The following DPP6 variants were observed in gnomAD, a reference collection of about 807,000 sequenced individuals.
DPP6 encodes A-type potassium channel modulatory protein DPP6.
A neutral mutation model predicts 122.6 loss-of-function variants in DPP6; 69 were observed. That is an observed-to-expected ratio of 0.56 (90% confidence interval 0.46 to 0.69). The LOEUF (loss-of-function observed/expected upper bound fraction) is 0.69, where lower values mean the gene tolerates loss of function less well. Among genes scored for constraint, DPP6 ranks in the 30% least tolerant of loss-of-function variants. DPP6 has a pLI of 0.00. For missense variants in DPP6, 928 were observed against 1,116.9 expected (o/e 0.83, Z 2.41); for synonymous variants, 418 against 433.1 (o/e 0.97, Z 0.43).
intron 1 of DPP6, among the ~76,000 whole-genome samples, chr7:154,176,938 A>G (rs1362336506): frequency 1.3e-5 from 2 of 151,970 alleles, no homozygotes; most frequent in Non-Finnish European, 2.9e-5. Flanking sequence ...GGCTCAAGCC[A>G]TCTTCCCACC....
At chr7:154,357,506 A>G (rs745799140) in intron 1 of DPP6, among the ~76,000 whole-genome samples, 8 of 152,230 alleles carry the variant, frequency 5.3e-5, no homozygotes, top group Non-Finnish European at 1.0e-4. Context: ...AATGGCAGAA[A>G]ATAAACACCT....
chr7:154,266,776 G>C (rs868566032), intron 1 of DPP6, among the ~76,000 whole-genome samples: 2 of 152,082 alleles, frequency 1.3e-5, no homozygotes, highest in South Asian at 4.1e-4. Context: ...GGACCCTGGG[G>C]GTACCCAGCA....
intron 1 of DPP6, among the ~76,000 whole-genome samples, chr7:154,335,223 T>A (rs970939149): frequency 1.4e-4 from 22 of 152,344 alleles, no homozygotes; most frequent in African/African-American, 4.8e-4. Context: ...AATGGGTAAT[T>A]GCCATATTTT....
chr7:154,126,655 T>C (rs1807908615), intron 1 of DPP6, among the ~76,000 whole-genome samples: 1 of 151,362 alleles, frequency 6.6e-6, no homozygotes, highest in Non-Finnish European at 1.5e-5. Flanking sequence ...TCTTGTCACC[T>C]TCCTTTGCTG....
the DPP6 span, among the ~76,000 whole-genome samples, chr7:153,866,478 T>C: frequency 6.6e-6 from 1 of 152,236 alleles, no homozygotes; most frequent in South Asian, 2.1e-4. Flanking sequence ...TTCATATCCT[T>C]TGCCCACTTT....
the DPP6 span, among the ~76,000 whole-genome samples, chr7:153,799,287 T>G: frequency 6.6e-6 from 1 of 152,234 alleles, no homozygotes; most frequent in Non-Finnish European, 1.5e-5. Flanking sequence ...TATCTAAATA[T>G]ATATATTTTT....
intron 8 of DPP6, among the ~76,000 whole-genome samples, chr7:154,750,891 G>T (rs1331590601): frequency 3.3e-5 from 5 of 152,220 alleles, no homozygotes; most frequent in Non-Finnish European, 7.3e-5. Context: ...GACGGCTCAG[G>T]TGAGGGCTGC....
chr7:154,246,572 A>G (rs1416756101), intron 1 of DPP6, among the ~76,000 whole-genome samples: 1 of 152,236 alleles, frequency 6.6e-6, no homozygotes, highest in Non-Finnish European at 1.5e-5. Flanking sequence ...TGATCCTAGA[A>G]TAGCTGAAAC....
At chr7:153,796,982 C>T in the DPP6 span, among the ~76,000 whole-genome samples, 9 of 152,182 alleles carry the variant, frequency 5.9e-5, no homozygotes, top group Non-Finnish European at 8.8e-5. Context: ...TTTTCTCACT[C>T]ATTCTAAGGG....
intron 9 of DPP6, 50 bp from the exon 10 acceptor site, chr7:154,772,795 C>G (rs1481527738): frequency 6.3e-7 from 1 of 1,583,896 alleles, no homozygotes; most frequent in Admixed American, 1.8e-5. Context: ...CTGAAGTTCA[C>G]TCTTGTATAA....
intron 1 of DPP6, among the ~76,000 whole-genome samples, chr7:153,909,520 A>G (rs1463463802): frequency 1.3e-5 from 2 of 152,156 alleles, no homozygotes; most frequent in Non-Finnish European, 2.9e-5. Context: ...GAATAACTCA[A>G]TACTATAATG....
intron 1 of DPP6, among the ~76,000 whole-genome samples, chr7:154,276,540 G>T (rs1421133449): frequency 6.6e-6 from 1 of 152,202 alleles, no homozygotes; most frequent in Non-Finnish European, 1.5e-5. Context: ...GGTCAAGAAT[G>T]CAAATGGGAA....
At chr7:153,842,869 C>T in the DPP6 span, among the ~76,000 whole-genome samples, 2 of 152,132 alleles carry the variant, frequency 1.3e-5, no homozygotes, top group African/African-American at 4.8e-5. Context: ...ATTCAAATCT[C>T]CTCTAAAAAT....
chr7:154,340,170 C>A lies in DPP6; in HGVS notation c.244-106044C>A, dbSNP rs945304851. Among the ~76,000 whole-genome samples the A allele has an allele frequency of 4.6e-5, 7 of 152,250 alleles. No individual in the cohort carries two copies. The South Asian group carries it at 8.3e-4, about 18-fold the overall frequency. ...TTGGTTAAGATTGATGTGCAAAAATCAAATATTTGGCAGTTATAAAAGGAC... is the reference window on the plus strand; with the variant it reads ...TTGGTTAAGATTGATGTGCAAAAATAAAATATTTGGCAGTTATAAAAGGAC... On this transcript the variant is annotated intron_variant, in intron 1 of 25. Coordinates refer to ENST00000377770, the MANE Select transcript of DPP6 (RefSeq NM_130797.4).
At chr7:154,066,211 C>T (rs531122522) in intron 1 of DPP6, among the ~76,000 whole-genome samples, 10 of 152,084 alleles carry the variant, frequency 6.6e-5, no homozygotes, top group South Asian at 4.2e-4. Flanking sequence ...AGGCACACAC[C>T]AGCATGCCTG....
At chr7:154,826,742 C>T (rs1800177404) in intron 16 of DPP6, among the ~76,000 whole-genome samples, 2 of 152,148 alleles carry the variant, frequency 1.3e-5, no homozygotes, top group African/African-American at 4.8e-5. Context: ...CCAAAGAGGC[C>T]TGCAGCTTTT....
At chr7:154,596,979 A>G (rs1277938329) in intron 5 of DPP6, among the ~76,000 whole-genome samples, 1 of 152,232 alleles carries the variant, frequency 6.6e-6, no homozygotes, top group African/African-American at 2.4e-5. Context: ...AGGTGGTTAT[A>G]TAATAAACTG....
At chr7:153,880,105 G>GT in the DPP6 span, among the ~76,000 whole-genome samples, 1 of 152,260 alleles carries the variant, frequency 6.6e-6, no homozygotes, top group East Asian at 1.9e-4. Context: ...AACTGCTGAT[G>GT]TTTGAATATT....
chr7:154,353,070 T>G (rs1479272743), intron 1 of DPP6, among the ~76,000 whole-genome samples: 1 of 152,200 alleles, frequency 6.6e-6, no homozygotes, highest in Admixed American at 6.5e-5. Context: ...GCCAGCAGCA[T>G]CAGTGCTACC....
Sources: gnomAD v4.1 joint callset for allele counts (sites outside exome capture counted in the v4.1 genomes callset) on GRCh38, gnomAD v4.1.1 for gene constraint, MANE v1.5 for transcripts, NCBI Gene and HGNC (gene_info 2026-07-23, HGNC 2026-07-21) for gene names.